SCN1A: variants seen among roughly 807,000 people sequenced by gnomAD.
The protein encoded by SCN1A is sodium voltage-gated channel alpha subunit 1, also known as sodium channel protein type 1 subunit alpha.
A neutral mutation model predicts 193.7 loss-of-function variants in SCN1A; 13 were observed. The observed-to-expected ratio is 0.07, with a 90% CI of 0.04 to 0.11. SCN1A has a LOEUF of 0.11. Ranked by LOEUF, SCN1A falls within the 10% of genes least tolerant of loss-of-function variation. The pLI is 1.00. For synonymous variants in SCN1A, 781 were observed against 843.6 expected (o/e 0.93, Z 1.29); for missense variants, 1,432 against 2,451.1 (o/e 0.58, Z 8.78).
intron 16 of SCN1A, among the ~76,000 whole-genome samples, chr2:166,039,853 C>G (rs1696923560): frequency 6.7e-6 from 1 of 149,500 alleles, no homozygotes; most frequent in Non-Finnish European, 1.5e-5. Context: ...GGTGAAATGG[C>G]TTGCTTGATA....
intron 19 of SCN1A, among the ~76,000 whole-genome samples, chr2:166,017,026 C>T (rs901669829): frequency 1.3e-5 from 2 of 149,214 alleles, no homozygotes; most frequent in Non-Finnish European, 3.0e-5. Context: ...TGCCTTCTTT[C>T]CTTTCCTTTT....
chr2:166,145,160 T>C (rs1574655637), intron 1 of SCN1A, among the ~76,000 whole-genome samples: 1 of 9,732 alleles, frequency 1.0e-4, no homozygotes, highest in Non-Finnish European at 1.7e-4. Context: ...TTTTTTTTTT[T>C]TTTTTTTTTT....
chr2:166,050,587 C>T (rs1698416889), intron 9 of SCN1A, among the ~76,000 whole-genome samples: 1 of 118,824 alleles, frequency 8.4e-6, no homozygotes, highest in South Asian at 2.7e-4. Context: ...TGGGAAGATG[C>T]CACCACACCC....
At chr2:166,075,258 T>C (rs1481766515) in intron 3 of SCN1A, 1 of 152,088 alleles carries the variant, frequency 6.6e-6, no homozygotes, top group Non-Finnish European at 1.5e-5. Context: ...AAATGCAGTA[T>C]AATATCTCCT....
At chr2:166,105,553 G>A (rs1470018446) in intron 2 of SCN1A, among the ~76,000 whole-genome samples, 2 of 151,944 alleles carry the variant, frequency 1.3e-5, no homozygotes, top group African/African-American at 4.8e-5. Context: ...GGTTTATCTT[G>A]GCCAAAAACA....
intron 16 of SCN1A, among the ~76,000 whole-genome samples, chr2:166,040,525 A>C (rs2105823824): frequency 6.6e-6 from 1 of 152,332 alleles, no homozygotes; most frequent in South Asian, 2.1e-4. Flanking sequence ...TCTACCATCA[A>C]AAATCCTAAA....
chr2:166,017,778 T>C (rs1485582215), intron 19 of SCN1A, among the ~76,000 whole-genome samples: 1 of 152,040 alleles, frequency 6.6e-6, no homozygotes, highest in Non-Finnish European at 1.5e-5. Flanking sequence ...AATAAATTTG[T>C]GTGGAGAGGC....
intron 2 of SCN1A, among the ~76,000 whole-genome samples, chr2:166,119,069 C>T (rs958005639): frequency 6.6e-6 from 1 of 152,142 alleles, no homozygotes; most frequent in Non-Finnish European, 1.5e-5. Context: ...CTAATGCCGC[C>T]ACTGATCTGA....
intron 14 of SCN1A, 30 bp downstream of exon 14, chr2:166,043,639 C>A: frequency 6.3e-7 from 1 of 1,590,392 alleles, no homozygotes; most frequent in Non-Finnish European, 8.6e-7. Context: ...AGTGAGCCAG[C>A]CATGCCTGAA....
Position 166,002,625 on chromosome 2 carries a change from A to C in SCN1A, c.4131T>G (p.Ile1377Met). The stretch of plus-strand genomic sequence containing the variant: ...CAAACCTGTCACCAGTTGTGGTGTT[A>C]ATACAGTGGTAGAATTTGCCAGCAA... The part of the protein sequence containing the change: ...NLFAGKFYHC[I>M]NTTTGDRFDI... Residue 1377 changes from isoleucine to methionine, a missense_variant, in exon 24 of 29, where the codon ATT becomes ATG. By Grantham distance (10) the Ile-to-Met change is conservative. This residue lies in a region of SCN1A where 107 missense variants were observed against 259.4 expected (regional missense o/e 0.41). Transcript: ENST00000674923. 6.2e-7 allele frequency: 1 copy of C among 1,612,042 alleles called. No homozygotes were observed. Among genetic ancestry groups the C allele is most frequent in the Non-Finnish European group, 8.5e-7 (1 of 1,178,778 alleles).
upstream of SCN1A, among the ~76,000 whole-genome samples, chr2:166,129,763 C>T (rs898137741): frequency 6.6e-6 from 1 of 152,110 alleles, no homozygotes; most frequent in Non-Finnish European, 1.5e-5. Context: ...CATACCTGGC[C>T]ACATGTTTTA....
intron 19 of SCN1A, among the ~76,000 whole-genome samples, chr2:166,021,333 A>G (rs1303910128): frequency 1.3e-5 from 2 of 152,216 alleles, no homozygotes; most frequent in Admixed American, 6.5e-5. Context: ...AAATTTATAT[A>G]TAATGTAAAT....
Position 166,046,846 on chromosome 2 carries a change from A to C in SCN1A, c.1301T>G (p.Leu434Trp), listed in dbSNP as rs747125960. 2 of 1,613,982 alleles carry C rather than the reference A, an allele frequency of 1.2e-6. No homozygotes were observed. The highest frequency in any genetic ancestry group is 8.5e-7 in the Non-Finnish European group (1 of 1,179,900). The change falls in exon 12 of 29, where the codon TTG (leucine) becomes TGG (tryptophan). Residue 434 changes from leucine (L) to tryptophan (W), a missense_variant. By Grantham distance (61) the Leu-to-Trp change is moderately conservative (BLOSUM62 -2). Coordinates refer to ENST00000674923, the MANE Select transcript of SCN1A (RefSeq NM_001165963.4). Reference sequence around the variant, plus strand: ...GGCCTCTTTCTGTTCTGCTTCTTCCAAGGTGGCCTGATTCTGTTCCTCGTA... The same window carrying C: ...GGCCTCTTTCTGTTCTGCTTCTTCCCAGGTGGCCTGATTCTGTTCCTCGTA... ...MAYEEQNQAT[L>W]EEAEQKEAEF...
Position 165,992,184 on chromosome 2 carries a change from C to T in SCN1A, c.5091G>A (p.Arg1697=). The change falls in exon 29 of 29, where the codon AGG becomes AGA. Residue 1697 remains arginine, a synonymous_variant. Transcript: ENST00000674923. This position sits in a 1 kb window ranked among gnomAD's most constrained non-coding sequence, Gnocchi z 6.5. ...TGAACATGTCATCGATCCCAACTTC[C>T]CTCTTAACATAGGCAAAGTTGGACA... ...FGMSNFAYVK[R]EVGIDDMFNF... 3.1e-6 allele frequency: 5 copies of T among 1,613,828 alleles called. No homozygotes were observed. Among genetic ancestry groups the T allele is most frequent in the Non-Finnish European group, 4.2e-6 (5 of 1,179,886 alleles).
chr2:166,052,691 TAA>T (rs998139844), intron 8 of SCN1A, among the ~76,000 whole-genome samples, 159 bp downstream of exon 8: 1 of 151,956 alleles, frequency 6.6e-6, no homozygotes, highest in Non-Finnish European at 1.5e-5. Context: ...AAGACATTGT[TAA>T]ACTCCAAGGC....
intron 5 of SCN1A, 74 bp downstream of exon 5, chr2:166,058,496 A>G: frequency 1.2e-6 from 1 of 844,064 alleles, no homozygotes; most frequent in Non-Finnish European, 2.0e-6. Context: ...TTCCCAACTT[A>G]ATTTGATATT....
Position 166,044,187 on chromosome 2 carries a change from C to G in SCN1A, c.1663-138G>C, listed in dbSNP as rs1697518921. 25 of 1,024,692 alleles carry G rather than the reference C, an allele frequency of 2.4e-5. No individual in the cohort carries two copies. The South Asian group carries it at 3.6e-4, about 15-fold the overall frequency. 63.5% of individuals were successfully genotyped at this position (1,024,692 alleles called of 1,614,324 possible). ...GTTCATTCCTTTTGATTATCATTCT[C>G]ATTTTATGTGCATTCACATTAAATT... is the stretch of plus-strand genomic sequence containing the variant. On this transcript the variant is annotated intron_variant, in intron 13 of 28. Coordinates refer to ENST00000674923, the MANE Select transcript of SCN1A (RefSeq NM_001165963.4).
intron 27 of SCN1A, among the ~76,000 whole-genome samples, chr2:165,994,869 A>G (rs971790852): frequency 1.1e-4 from 16 of 151,898 alleles, no homozygotes; most frequent in Non-Finnish European, 2.9e-5. Flanking sequence ...AATAATTGTT[A>G]AGGAGAATTT....
chr2:166,131,299 G>A (rs1316008717), upstream of SCN1A, among the ~76,000 whole-genome samples: 1 of 152,080 alleles, frequency 6.6e-6, no homozygotes, highest in Admixed American at 6.6e-5. Flanking sequence ...GGCTGAGGGG[G>A]CATGGCTGTG....
Sources: gnomAD v4.1 joint callset for allele counts (sites outside exome capture counted in the v4.1 genomes callset) on GRCh38, gnomAD v4.1.1 for gene constraint, gnomAD v4.1.1 regional missense constraint, Gnocchi (gnomAD v3.1) non-coding constraint, MANE v1.5 for transcripts, NCBI Gene and HGNC (gene_info 2026-07-23, HGNC 2026-07-21) for gene names.